AMOTL1: variants seen among roughly 807,000 people sequenced by gnomAD.
AMOTL1 encodes the protein angiomotin like 1.
Under a neutral mutation model 102.9 loss-of-function variants are expected in AMOTL1, and 45 were observed. The ratio of observed to expected loss-of-function variants is 0.44; its 90% confidence interval spans 0.34 to 0.56. The LOEUF (loss-of-function observed/expected upper bound fraction) is 0.56, where lower values mean the gene tolerates loss of function less well. Among genes scored for constraint, AMOTL1 ranks in the 20% least tolerant of loss-of-function variants. The pLI is 0.01. For missense variants in AMOTL1, 1,114 were observed against 1,225.6 expected (o/e 0.91, Z 1.36); for synonymous variants, 481 against 484.7 (o/e 0.99, Z 0.10).
At chr11:94,725,251 G>A (rs979069273) in intron 1 of AMOTL1, among the ~76,000 whole-genome samples, 1 of 152,134 alleles carries the variant, frequency 6.6e-6, no homozygotes, top group Admixed American at 6.6e-5. Context: ...AGACGTGGGG[G>A]AATGTAGGCA....
At chr11:94,776,693 A>C (rs1392111160) in intron 1 of AMOTL1, among the ~76,000 whole-genome samples, 1 of 152,186 alleles carries the variant, frequency 6.6e-6, no homozygotes, top group Non-Finnish European at 1.5e-5. Context: ...GGGTGGTATG[A>C]CCCAGCAATG....
At chr11:94,792,805 A>T (rs73514288) in intron 1 of AMOTL1, among the ~76,000 whole-genome samples, 4,082 of 152,260 alleles carry the variant, frequency 0.027, 174 homozygotes, top group African/African-American at 0.094. Context: ...GACACTGAGG[A>T]AACAGTGGTG....
chr11:94,853,894 GT>G, intron 7 of AMOTL1, 38 bp from the exon 8 acceptor site: 1 of 1,589,888 alleles, frequency 6.3e-7, no homozygotes, highest in Non-Finnish European at 8.6e-7. Context: ...AGAATCAGTG[GT>G]CTAAATTCTG....
intron 3 of AMOTL1, among the ~76,000 whole-genome samples, chr11:94,756,469 G>T (rs1950726744): frequency 6.6e-6 from 1 of 152,064 alleles, no homozygotes; most frequent in South Asian, 2.1e-4. Context: ...GAATTTCATG[G>T]AATAGCTATT....
intron 3 of AMOTL1, among the ~76,000 whole-genome samples, chr11:94,810,259 T>G (rs1033847379): frequency 6.6e-5 from 10 of 152,210 alleles, no homozygotes; most frequent in African/African-American, 1.7e-4. Flanking sequence ...AAACCAATTT[T>G]ATTTAGATAG....
rs774813267 is a variant in AMOTL1 at position 94,866,044 on chromosome 11, A to G, written c.2364A>G (p.Leu788=). The part of the protein sequence containing the change: ...KDAGKTDSSS[L]RPARSVPSIA... ...CCGGGAAGACAGACTCCTCCAGCCT[A>G]CGTCCTGCCCGCTCCGTTCCATCCA... is the stretch of plus-strand genomic sequence containing the variant. The change falls in exon 11 of 13, where the codon CTA becomes CTG. Residue 788 remains leucine, a synonymous_variant. Transcript: ENST00000433060. 1.9e-6 allele frequency: 3 copies of G among 1,613,848 alleles called. No homozygotes were observed. Among genetic ancestry groups the G allele is most frequent in the African/African-American group, 2.7e-5 (2 of 74,902 alleles).
At chr11:94,758,457 T>C (rs1950754054) in intron 3 of AMOTL1, among the ~76,000 whole-genome samples, 1 of 152,164 alleles carries the variant, frequency 6.6e-6, no homozygotes, top group Non-Finnish European at 1.5e-5. Context: ...GTTCAACTGA[T>C]TGGCAAAAAG....
chr11:94,724,503 G>A lies in AMOTL1; in HGVS notation c.-50-4418G>A, dbSNP rs1023349774. Among the ~76,000 whole-genome samples, 5 of 152,116 alleles carry A rather than the reference G, an allele frequency of 3.3e-5. 1 individual carries two copies. The highest frequency in any genetic ancestry group is 4.1e-4 in the South Asian group (2 of 4,828). On this transcript the variant is annotated intron_variant, in intron 1 of 4. Transcript: ENST00000299004. ...CATATACTGGAAAGTCATGCATAAG[G>A]CAAGAGTTGGACTAAAGGCCCTGAG... is the stretch of plus-strand genomic sequence containing the variant.
chr11:94,775,209 C>T (rs191358743), intron 1 of AMOTL1, among the ~76,000 whole-genome samples: 13 of 152,252 alleles, frequency 8.5e-5, no homozygotes, highest in Admixed American at 3.3e-4. Flanking sequence ...CTCTGACTGA[C>T]GGTAAGTTTC....
At chr11:94,859,815 G>A (rs1434355927) in intron 9 of AMOTL1, 100 bp downstream of exon 9, 3 of 1,272,418 alleles carry the variant, frequency 2.4e-6, no homozygotes, top group South Asian at 4.7e-5. Context: ...ATCCTAGGGA[G>A]TGAAGTCAGC....
chr11:94,831,772 C>A (rs904271820), intron 6 of AMOTL1, among the ~76,000 whole-genome samples: 10 of 151,328 alleles, frequency 6.6e-5, no homozygotes, highest in African/African-American at 2.4e-4. Context: ...CCTACAGTTT[C>A]TCTCTCTCTC....
intron 6 of AMOTL1, among the ~76,000 whole-genome samples, chr11:94,842,927 C>T (rs1952336266): frequency 6.6e-6 from 1 of 152,172 alleles, no homozygotes. Flanking sequence ...CATTTAAAAA[C>T]ACTCCACTCT....
At chr11:94,715,164 T>C (rs1457106467) in intron 1 of AMOTL1, among the ~76,000 whole-genome samples, 1 of 152,160 alleles carries the variant, frequency 6.6e-6, no homozygotes, top group African/African-American at 2.4e-5. Context: ...TCCATGTGCC[T>C]AAAGGTTTTT....
chr11:94,762,402 T>G (rs766030234), intron 3 of AMOTL1, among the ~76,000 whole-genome samples: 1 of 152,186 alleles, frequency 6.6e-6, no homozygotes, highest in Non-Finnish European at 1.5e-5. Flanking sequence ...TTTTCATAAA[T>G]GAAGGTAGAG....
intron 4 of AMOTL1, among the ~76,000 whole-genome samples, chr11:94,828,004 A>G (rs1050768562): frequency 6.6e-6 from 1 of 151,988 alleles, no homozygotes; most frequent in Non-Finnish European, 1.5e-5. Flanking sequence ...TGTCATCTGT[A>G]CGTTGAGGAC....
intron 1 of AMOTL1, among the ~76,000 whole-genome samples, chr11:94,785,419 AGTG>A (rs1951170663): frequency 6.6e-6 from 1 of 152,176 alleles, no homozygotes; most frequent in South Asian, 2.1e-4. Flanking sequence ...AATGGGAGTG[AGTG>A]GTGATAAATA....
chr11:94,869,126 G>A lies in AMOTL1; in HGVS notation c.2489-72G>A, dbSNP rs540169106. 1,233 of 1,439,982 alleles carry A rather than the reference G, an allele frequency of 8.6e-4. 1 individual carries two copies. Among genetic ancestry groups the A allele is most frequent in the Non-Finnish European group, 1.0e-3 (1,128 of 1,089,604 alleles). The allele number at this position is 1,439,982 out of a possible 1,614,324, so 89.2% of individuals were successfully genotyped here. A position where few individuals can be genotyped will look rare whatever the true frequency, so the allele number is the denominator to read the frequency against. ...AGCAATCATCAATCAACAAGGAACA[G>A]ATCTGCAAGACTAGATTTAAAAAAA... On this transcript the variant is annotated intron_variant, in intron 11 of 12. Coordinates refer to ENST00000433060, the MANE Select transcript of AMOTL1 (RefSeq NM_130847.3).
chr11:94,739,654 A>G (rs990760250), intron 2 of AMOTL1, among the ~76,000 whole-genome samples: 1 of 152,154 alleles, frequency 6.6e-6, no homozygotes, highest in African/African-American at 2.4e-5. Context: ...TGACCCTCCA[A>G]TAGTCCTCCA....
intron 3 of AMOTL1, among the ~76,000 whole-genome samples, chr11:94,806,434 T>C (rs1448565130): frequency 6.6e-6 from 1 of 152,218 alleles, no homozygotes; most frequent in African/African-American, 2.4e-5. Context: ...GTTTATGCAA[T>C]CATGAAAATG....
Sources: allele counts gnomAD v4.1 joint callset (sites outside exome capture counted in the v4.1 genomes callset), GRCh38; gene constraint gnomAD v4.1.1; transcripts MANE v1.5; gene names NCBI Gene and HGNC (gene_info 2026-07-23, HGNC 2026-07-21).